GABRR2: variants seen among roughly 807,000 people sequenced by gnomAD.
GABRR2 encodes the protein gamma-aminobutyric acid receptor subunit rho-2.
GABRR2 carries 36 observed loss-of-function variants against 47.0 expected under a neutral mutation model. The ratio of observed to expected loss-of-function variants is 0.77; its 90% CI spans 0.59 to 1.01. GABRR2 has a LOEUF of 1.01. Ranked by LOEUF, GABRR2 falls within the 50% of genes least tolerant of loss-of-function variation. The probability of loss-of-function intolerance (pLI) is 0.00; values close to 1 mark genes in which losing one functional copy is unlikely to be tolerated. For synonymous variants in GABRR2, 204 were observed against 227.5 expected, an observed-to-expected ratio of 0.90 and a Z score of 0.93; for missense variants, 587 against 594.6, an observed-to-expected ratio of 0.99 and a Z score of 0.13.
intron 2 of GABRR2, among the ~76,000 whole-genome samples, chr6:89,299,320 C>T (rs924204877): frequency 2.0e-5 from 3 of 152,156 alleles, no homozygotes; most frequent in Non-Finnish European, 4.4e-5. Flanking sequence ...GTTCAGAATT[C>T]CACTCACACC....
rs1773583791 is a variant in GABRR2 at position 89,255,568 on chromosome 6, T to C, written c.*2102A>G. Among the ~76,000 whole-genome samples the C allele has an allele frequency of 6.6e-6, 1 of 152,136 alleles. No homozygotes were observed. Among genetic ancestry groups the C allele is most frequent in the Non-Finnish European group, 1.5e-5 (1 of 68,016 alleles). On this transcript the variant is annotated 3_prime_UTR_variant, in exon 9 of 9. Transcript: ENST00000402938. ...AGTAGTCTTGGGTCCAGCAACTCCA[T>C]AGTGGGGAAGCTGTCCTCATAAGCA...
chr6:89,308,070 C>A (rs903553883), intron 1 of GABRR2, among the ~76,000 whole-genome samples: 5 of 152,192 alleles, frequency 3.3e-5, no homozygotes, highest in Non-Finnish European at 5.9e-5. Flanking sequence ...CTGCCTTGGC[C>A]TCCCAAAGTG....
chr6:89,271,799 C>T (rs770302267), intron 2 of GABRR2, 77 bp from the exon 3 acceptor site: 27 of 1,244,662 alleles, frequency 2.2e-5, no homozygotes, highest in East Asian at 2.5e-5. Flanking sequence ...AGTTGGCTTC[C>T]CCCGGGGAGC....
intron 1 of GABRR2, among the ~76,000 whole-genome samples, chr6:89,308,274 G>A (rs1371387641): frequency 1.3e-5 from 2 of 152,114 alleles, no homozygotes; most frequent in African/African-American, 2.4e-5. Flanking sequence ...TAATTCAATG[G>A]GAGGCCTAAA....
At chr6:89,278,021 C>G (rs1215221476) in intron 2 of GABRR2, among the ~76,000 whole-genome samples, 5 of 152,218 alleles carry the variant, frequency 3.3e-5, no homozygotes, top group Non-Finnish European at 7.3e-5. Flanking sequence ...ATTCACAAAG[C>G]ATTCTTTGTT....
rs1041675609 is a variant in GABRR2 at position 89,297,853 on chromosome 6, GA to G, written c.220+1905del. On this transcript the variant is annotated intron_variant, in intron 2 of 8. Coordinates refer to ENST00000402938, the MANE Select transcript of GABRR2 (RefSeq NM_002043.5). ...AGGTGACAAAGTGAAACTCCGTCTCGAAAAAAAAAGTGGTAGTTGTCATGCA... is the reference window on the plus strand; with the variant it reads ...AGGTGACAAAGTGAAACTCCGTCTCGAAAAAAAAGTGGTAGTTGTCATGCA... 8.6e-5 allele frequency among the ~76,000 whole-genome samples: 13 copies of G among 150,782 alleles called. No homozygotes were observed. The South Asian group carries it at 1.0e-3, about 12-fold the overall frequency.
intron 2 of GABRR2, among the ~76,000 whole-genome samples, chr6:89,296,918 G>T (rs766965348): frequency 2.6e-5 from 4 of 152,158 alleles, no homozygotes; most frequent in Non-Finnish European, 4.4e-5. Context: ...CTGGCTGTTC[G>T]GTGGCCATCA....
At position 89,302,607 on chromosome 6, in the gene GABRR2, C is replaced by T. The variant is rs540250700; in HGVS notation, c.114-2742G>A. On this transcript the variant is annotated intron_variant, in intron 1 of 8. Coordinates refer to ENST00000402938, the MANE Select transcript of GABRR2 (RefSeq NM_002043.5). The stretch of plus-strand genomic sequence containing the variant: ...ATGAAGCCCGGGCAGCCAGCATTAC[C>T]GGGCCCTGACCGTGCCCGAGCTCAC... The T allele has an allele frequency of 2.2e-5, 26 of 1,200,578 alleles. No homozygotes were observed. In the African/African-American group the frequency reaches 2.3e-4, roughly 11 times the overall value. The allele number at this position is 1,200,578 out of a possible 1,614,324, so 74.4% of individuals were successfully genotyped here.
intron 1 of GABRR2, among the ~76,000 whole-genome samples, chr6:89,303,325 T>C (rs187616454): frequency 3.3e-5 from 5 of 152,222 alleles, no homozygotes; most frequent in Non-Finnish European, 7.3e-5. Context: ...TCTGTCTTAT[T>C]GCAGCTCCAG....
chr6:89,283,340 T>C (rs1178675667), intron 2 of GABRR2, among the ~76,000 whole-genome samples: 1 of 152,184 alleles, frequency 6.6e-6, no homozygotes, highest in Non-Finnish European at 1.5e-5. Context: ...AAATGACATA[T>C]ATACATATGA....
chr6:89,268,958 C>T, intron 4 of GABRR2, 53 bp downstream of exon 4: 1 of 1,528,594 alleles, frequency 6.5e-7, no homozygotes. Flanking sequence ...AGGGCCTGAC[C>T]ACACATACCA....
At chr6:89,275,327 G>A (rs766505650) in intron 2 of GABRR2, among the ~76,000 whole-genome samples, 2 of 152,156 alleles carry the variant, frequency 1.3e-5, no homozygotes, top group Non-Finnish European at 2.9e-5. Context: ...AGGCTGGAGT[G>A]CAGTGGCATG....
intron 2 of GABRR2, among the ~76,000 whole-genome samples, chr6:89,287,285 C>A (rs1329853908): frequency 6.6e-6 from 1 of 152,208 alleles, no homozygotes; most frequent in East Asian, 1.9e-4. Flanking sequence ...CACTTGGGTG[C>A]TAAAGTAGCC....
intron 1 of GABRR2, among the ~76,000 whole-genome samples, chr6:89,309,589 CT>C (rs1215230375): frequency 1.3e-5 from 2 of 152,038 alleles, no homozygotes; most frequent in East Asian, 1.9e-4. Flanking sequence ...ATGTTTAAGA[CT>C]TTTTTTAGAG....
chr6:89,306,473 T>C (rs1256451810), intron 1 of GABRR2, among the ~76,000 whole-genome samples: 1 of 152,230 alleles, frequency 6.6e-6, no homozygotes, highest in African/African-American at 2.4e-5. Flanking sequence ...CCAAATATGA[T>C]GCTCCTTACT....
At chr6:89,299,141 C>T (rs1774605137) in intron 2 of GABRR2, among the ~76,000 whole-genome samples, 1 of 152,234 alleles carries the variant, frequency 6.6e-6, no homozygotes, top group South Asian at 2.1e-4. Context: ...AGGACACCCA[C>T]TGGCCATGCC....
intron 1 of GABRR2, among the ~76,000 whole-genome samples, chr6:89,311,235 T>G (rs1488716657): frequency 1.3e-5 from 2 of 152,194 alleles, no homozygotes; most frequent in Non-Finnish European, 2.9e-5. Flanking sequence ...AAACCGTAAG[T>G]GCAGCCGGCT....
At chr6:89,295,660 T>G (rs1306038483) in intron 2 of GABRR2, among the ~76,000 whole-genome samples, 1 of 152,150 alleles carries the variant, frequency 6.6e-6, no homozygotes, top group Non-Finnish European at 1.5e-5. Context: ...TTTTGGCTTT[T>G]GTTGCCATTG....
chr6:89,269,298 C>CCA (rs1459912432), intron 3 of GABRR2, 64 bp from the exon 4 acceptor site: 4 of 1,194,972 alleles, frequency 3.3e-6, no homozygotes, highest in African/African-American at 1.5e-5. Flanking sequence ...TACAATCAAC[C>CCA]CACCATTCAC....
Sources: gnomAD v4.1 joint callset for allele counts (sites outside exome capture counted in the v4.1 genomes callset) on GRCh38, gnomAD v4.1.1 for gene constraint, MANE v1.5 for transcripts, NCBI Gene and HGNC (gene_info 2026-07-23, HGNC 2026-07-21) for gene names.